The following RIN2 variants were observed in gnomAD, a reference collection of about 807,000 sequenced individuals.
RIN2 encodes RAB5 interacting protein 2.
Under a neutral mutation model 78.0 loss-of-function variants are expected in RIN2, and 36 were observed. That is an observed-to-expected ratio of 0.46 (90% confidence interval 0.35 to 0.61). The LOEUF (loss-of-function observed/expected upper bound fraction) is 0.61, where lower values mean the gene tolerates loss of function less well. RIN2 is among the 20% of genes least tolerant of loss of function. RIN2 has a pLI of 0.00. For missense variants in RIN2, 1,087 were observed against 1,159.7 expected, an observed-to-expected ratio of 0.94 and a Z score of 0.91; for synonymous variants, 466 against 466.8, an observed-to-expected ratio of 1.00 and a Z score of 0.02.
chr20:19,964,828 G>A, intron 6 of RIN2, 124 bp from the exon 7 acceptor site: 1 of 791,272 alleles, frequency 1.3e-6, no homozygotes, highest in East Asian at 2.5e-5. Flanking sequence ...AGCTGGTTCT[G>A]ATAAGCCACA....
chr20:19,862,389 C>T (rs891062852), intron 2 of RIN2, among the ~76,000 whole-genome samples: 5 of 152,046 alleles, frequency 3.3e-5, no homozygotes, highest in East Asian at 1.9e-4. Flanking sequence ...CTCGAGAGTT[C>T]GAGACCAGCC....
chr20:19,907,935 G>A (rs184885819), intron 3 of RIN2, among the ~76,000 whole-genome samples: 27 of 152,272 alleles, frequency 1.8e-4, no homozygotes, highest in Non-Finnish European at 2.8e-4. Context: ...ATGGTGCTAA[G>A]ACGATGGAGG....
intron 3 of RIN2, among the ~76,000 whole-genome samples, chr20:19,927,604 G>A (rs6046457): frequency 0.013 from 1,939 of 152,002 alleles, 37 homozygotes; most frequent in African/African-American, 0.043. Flanking sequence ...TAGTAGAGAC[G>A]GGGTTCCACT....
At chr20:19,980,137 T>G (rs2146342049) in intron 9 of RIN2, among the ~76,000 whole-genome samples, 1 of 151,936 alleles carries the variant, frequency 6.6e-6, no homozygotes, top group African/African-American at 2.4e-5. Flanking sequence ...ATCTTCTGAC[T>G]TCTGATCTAG....
chr20:19,994,720 A>G (rs934157969), intron 11 of RIN2, among the ~76,000 whole-genome samples: 63 of 152,156 alleles, frequency 4.1e-4, no homozygotes, highest in African/African-American at 1.4e-3. Flanking sequence ...TTATGTTCAT[A>G]TTGATTTCTC....
At chr20:19,981,224 C>A in intron 9 of RIN2, among the ~76,000 whole-genome samples, 1 of 152,170 alleles carries the variant, frequency 6.6e-6, no homozygotes, top group East Asian at 1.9e-4. Context: ...CTTCTGGTGG[C>A]AGGGAATTAC....
chr20:19,919,549 T>C (rs2039825166), intron 3 of RIN2, among the ~76,000 whole-genome samples: 1 of 152,086 alleles, frequency 6.6e-6, no homozygotes, highest in African/African-American at 2.4e-5. Flanking sequence ...GCTCACACCA[T>C]AATCCCCGTA....
At chr20:19,782,391 C>G (rs2034539036) in intron 1 of RIN2, among the ~76,000 whole-genome samples, 1 of 151,778 alleles carries the variant, frequency 6.6e-6, no homozygotes, top group Admixed American at 6.6e-5. Flanking sequence ...ATGGTGAAAC[C>G]CCGCTTCTAC....
intron 5 of RIN2, 59 bp downstream of exon 5, chr20:19,956,866 GA>G: frequency 7.2e-7 from 1 of 1,393,462 alleles, no homozygotes; most frequent in Non-Finnish European, 9.5e-7. Flanking sequence ...CCGGCTTAAA[GA>G]AAAACACTTG....
At chr20:19,938,072 G>T (rs2040719228) in intron 4 of RIN2, among the ~76,000 whole-genome samples, 1 of 152,114 alleles carries the variant, frequency 6.6e-6, no homozygotes, top group Non-Finnish European at 1.5e-5. Flanking sequence ...TGGCTTCTGG[G>T]ACCCCACACC....
intron 4 of RIN2, among the ~76,000 whole-genome samples, chr20:19,945,175 G>A (rs1038282758): frequency 2.0e-5 from 3 of 152,174 alleles, no homozygotes; most frequent in African/African-American, 7.2e-5. Flanking sequence ...AGTGATGAAG[G>A]GGCAGTGCTG....
intron 2 of RIN2, among the ~76,000 whole-genome samples, chr20:19,875,659 G>A (rs536030588): frequency 9.9e-5 from 15 of 152,278 alleles, no homozygotes; most frequent in Admixed American, 4.6e-4. Flanking sequence ...AAAATGGGTT[G>A]CAAACAGGGA....
chr20:19,870,205 T>C (rs1425269073), intron 2 of RIN2, among the ~76,000 whole-genome samples: 1 of 152,230 alleles, frequency 6.6e-6, no homozygotes, highest in Non-Finnish European at 1.5e-5. Context: ...CTAATCATCA[T>C]ATGATACTTT....
At chr20:19,777,685 A>G (rs1260083171) in intron 1 of RIN2, among the ~76,000 whole-genome samples, 2 of 152,260 alleles carry the variant, frequency 1.3e-5, no homozygotes, top group Non-Finnish European at 2.9e-5. Context: ...CTTCCTTATA[A>G]TAAATGGGAT....
chr20:19,909,154 G>A lies in RIN2; in HGVS notation c.57+19496G>A, dbSNP rs1447229482. Among the ~76,000 whole-genome samples the A allele has an allele frequency of 2.0e-5, 3 of 152,114 alleles. No individual in the cohort carries two copies. In the East Asian group the frequency reaches 5.8e-4, roughly 29 times the overall value. On this transcript the variant is annotated intron_variant, in intron 3 of 12. Coordinates refer to ENST00000255006, the MANE Select transcript of RIN2 (RefSeq NM_018993.4). ...GCTGTGATTACAGGTGTGAGCCACC[G>A]CGCCCAGTCTGCTCTTCAGTTTTTG... is the stretch of plus-strand genomic sequence containing the variant.
At chr20:19,991,994 T>G (rs568942653) in intron 10 of RIN2, among the ~76,000 whole-genome samples, 174 bp from the exon 11 acceptor site, 1 of 152,352 alleles carries the variant, frequency 6.6e-6, no homozygotes, top group East Asian at 1.9e-4. Context: ...TCTCTAACAT[T>G]AGCAGCTGGG....
At position 19,975,326 on chromosome 20, in the gene RIN2, T is replaced by C; in HGVS notation, c.1301T>C (p.Ile434Thr). 6.2e-7 allele frequency: 1 copy of C among 1,611,172 alleles called. No homozygotes were observed. The highest frequency in any genetic ancestry group is 1.1e-5 in the South Asian group (1 of 90,548). Residue 434 changes from isoleucine (I) to threonine (T), a missense_variant, in exon 9 of 13, where the codon ATT (isoleucine) becomes ACT (threonine). Transcript: ENST00000255006. This position sits in a 1 kb window ranked among gnomAD's most constrained non-coding sequence, Gnocchi z 4.9. ...CGGCAGCGGCTGAGCGACATGAGCA[T>C]TTCTACTTCCTCCTCCGACTCGCTG... ...GGRQRLSDMS[I>T]STSSSDSLEF...
At chr20:19,929,725 T>A (rs2040367566) in intron 3 of RIN2, among the ~76,000 whole-genome samples, 1 of 152,124 alleles carries the variant, frequency 6.6e-6, no homozygotes, top group African/African-American at 2.4e-5. Context: ...CCTCCTTTGT[T>A]GGGTGACAAG....
chr20:19,916,113 G>A (rs780370020), intron 3 of RIN2, among the ~76,000 whole-genome samples: 14 of 152,166 alleles, frequency 9.2e-5, no homozygotes, highest in Non-Finnish European at 1.9e-4. Context: ...GGTGGCACGC[G>A]CCTGTAGTCC....
Sources: allele counts gnomAD v4.1 joint callset (sites outside exome capture counted in the v4.1 genomes callset), GRCh38; gene constraint gnomAD v4.1.1; non-coding constraint Gnocchi (gnomAD v3.1); transcripts MANE v1.5; gene names NCBI Gene and HGNC (gene_info 2026-07-23, HGNC 2026-07-21).